CADPS2: variants seen among roughly 807,000 people sequenced by gnomAD.
CADPS2 encodes the protein calcium dependent secretion activator 2.
Under a neutral mutation model 172.5 loss-of-function variants are expected in CADPS2, and 93 were observed. The observed-to-expected ratio is 0.54, with a 90% CI of 0.46 to 0.64. CADPS2 has a LOEUF of 0.64. Ranked by LOEUF, CADPS2 falls within the 30% of genes least tolerant of loss-of-function variation. CADPS2 has a pLI of 0.00. For synonymous variants in CADPS2, 546 were observed against 555.2 expected, an observed-to-expected ratio of 0.98 and a Z score of 0.23; for missense variants, 1,420 against 1,565.9, an observed-to-expected ratio of 0.91 and a Z score of 1.57.
At chr7:122,600,650 A>C (rs1293146903) in intron 6 of CADPS2, among the ~76,000 whole-genome samples, 5 of 152,144 alleles carry the variant, frequency 3.3e-5, no homozygotes, top group African/African-American at 1.2e-4. Flanking sequence ...GCTTAACAAA[A>C]AGCTCAAATA....
intron 2 of CADPS2, among the ~76,000 whole-genome samples, chr7:122,713,573 A>AT (rs893189411): frequency 1.1e-4 from 17 of 151,946 alleles, no homozygotes; most frequent in Admixed American, 2.0e-4. Context: ...ATCTGTAACC[A>AT]TTTTTTTCAA....
chr7:122,679,482 A>G (rs1467421760), intron 2 of CADPS2, among the ~76,000 whole-genome samples: 1 of 152,164 alleles, frequency 6.6e-6, no homozygotes, highest in Non-Finnish European at 1.5e-5. Flanking sequence ...GTGGACGTTC[A>G]TTAGTGATTC....
At chr7:122,684,937 A>G (rs2083460452) in intron 2 of CADPS2, among the ~76,000 whole-genome samples, 2 of 152,224 alleles carry the variant, frequency 1.3e-5, no homozygotes, top group South Asian at 2.1e-4. Flanking sequence ...AAAAACAAAC[A>G]TTCTGTTAAA....
intron 6 of CADPS2, among the ~76,000 whole-genome samples, chr7:122,595,835 A>T (rs1587697795): frequency 6.6e-6 from 1 of 152,096 alleles, no homozygotes; most frequent in East Asian, 1.9e-4. Flanking sequence ...ATCACCTGAG[A>T]CTTTTTCTGA....
chr7:122,620,713 T>C (rs2075501690), intron 5 of CADPS2, among the ~76,000 whole-genome samples: 1 of 152,182 alleles, frequency 6.6e-6, no homozygotes, highest in African/African-American at 2.4e-5. Context: ...TCATCCATGA[T>C]ACCTAATAAT....
chr7:122,527,424 A>G (rs1586868749), intron 8 of CADPS2, among the ~76,000 whole-genome samples: 1 of 152,024 alleles, frequency 6.6e-6, no homozygotes, highest in East Asian at 1.9e-4. Context: ...GCTAAAAAAA[A>G]AAAAAACACA....
At chr7:122,805,952 A>G (rs1469188832) in intron 1 of CADPS2, among the ~76,000 whole-genome samples, 1 of 152,232 alleles carries the variant, frequency 6.6e-6, no homozygotes, top group South Asian at 2.1e-4. Flanking sequence ...TGCCAACAAA[A>G]TAGCCCTTTC....
At chr7:122,686,855 T>C (rs1257294567) in intron 2 of CADPS2, among the ~76,000 whole-genome samples, 2 of 152,126 alleles carry the variant, frequency 1.3e-5, no homozygotes, top group Non-Finnish European at 2.9e-5. Context: ...CGGCTAACTT[T>C]TGTATTTTTA....
chr7:122,633,100 C>T (rs2076734437), intron 3 of CADPS2, among the ~76,000 whole-genome samples: 1 of 152,066 alleles, frequency 6.6e-6, no homozygotes, highest in African/African-American at 2.4e-5. Flanking sequence ...TTACTTTAGC[C>T]TTATAGTATA....
Position 122,438,456 on chromosome 7 carries a change from C to T in CADPS2, c.2361G>A (p.Met787Ile). ...CTGGTATGGGAGTGGCAATATCTTT[C>T]ATTAAAACCTACAGAGAGAGGAAGT... ...ATLSLLERVL[M>I]KDIATPIPAE... Residue 787 changes from methionine to isoleucine, a missense_variant, in exon 17 of 30, where the codon ATG becomes ATA. Transcript: ENST00000449022. 1 of 1,612,622 alleles carries T rather than the reference C, an allele frequency of 6.2e-7. No homozygotes were observed. The highest frequency in any genetic ancestry group is 1.3e-5 in the African/African-American group (1 of 74,968).
chr7:122,491,429 G>GAA lies in CADPS2; in HGVS notation c.1543-11_1543-10dup. The GAA allele has an allele frequency of 1.3e-6, 2 of 1,499,652 alleles. No homozygotes were observed. Among genetic ancestry groups the GAA allele is most frequent in the Admixed American group, 2.2e-5 (1 of 46,494 alleles). The allele number at this position is 1,499,652 out of a possible 1,614,324, so 92.9% of individuals were successfully genotyped here. On this transcript the variant is annotated splice_polypyrimidine_tract_variant and intron_variant, in intron 9 of 29. Transcript: ENST00000449022. The stretch of plus-strand genomic sequence containing the variant: ...AAGGTATATTGGCTAACCTGCTCGA[G>GAA]AAAAAAAAAGTTTACAGATTAGTCA...
At chr7:122,642,548 C>CTT (rs10717947) in intron 3 of CADPS2, among the ~76,000 whole-genome samples, 8,092 of 146,054 alleles carry the variant, frequency 0.055, 287 homozygotes, top group African/African-American at 0.082. Flanking sequence ...CACCCAACAG[C>CTT]TTTTTTTTTT....
At chr7:122,534,255 T>A (rs2062030282) in intron 8 of CADPS2, among the ~76,000 whole-genome samples, 1 of 152,034 alleles carries the variant, frequency 6.6e-6, no homozygotes, top group South Asian at 2.1e-4. Flanking sequence ...ATTTAAACAA[T>A]CAAAATCATT....
At chr7:122,671,859 T>C (rs1476481996) in intron 2 of CADPS2, among the ~76,000 whole-genome samples, 1 of 152,194 alleles carries the variant, frequency 6.6e-6, no homozygotes, top group Non-Finnish European at 1.5e-5. Flanking sequence ...GGGCAGACTT[T>C]AAAGCTGTGA....
At chr7:122,491,986 C>T (rs2058327182) in intron 9 of CADPS2, among the ~76,000 whole-genome samples, 1 of 152,076 alleles carries the variant, frequency 6.6e-6, no homozygotes. Flanking sequence ...TCGTGTCTAA[C>T]ACGGTGAAAC....
chr7:122,541,797 T>A, intron 8 of CADPS2, among the ~76,000 whole-genome samples: 1 of 113,330 alleles, frequency 8.8e-6, no homozygotes, highest in East Asian at 2.9e-4. Flanking sequence ...ATTTATATAT[T>A]CATATATATT....
In CADPS2 at chr7:122,720,521, TATGTGTATGCAG is replaced by T. The variant is rs2090244459; in HGVS notation, c.453+16422_453+16433del. 2.6e-5 allele frequency among the ~76,000 whole-genome samples: 4 copies of T among 151,326 alleles called. No homozygotes were observed. The Admixed American group carries it at 2.6e-4, about 10-fold the overall frequency. ...GTATATACGTATAAGTATATATACA[TATGTGTATGCAG>T]ATATGTATGTGTATGTATATATGCA... On this transcript the variant is annotated intron_variant, in intron 2 of 29. Coordinates refer to ENST00000449022, the MANE Select transcript of CADPS2 (RefSeq NM_017954.11).
At chr7:122,834,545 G>C (rs892535086) in intron 1 of CADPS2, among the ~76,000 whole-genome samples, 15 of 152,288 alleles carry the variant, frequency 9.8e-5, no homozygotes, top group African/African-American at 3.4e-4. Context: ...GCCAAGGAAA[G>C]CCGTGACAGA....
chr7:122,386,227 A>G, intron 24 of CADPS2: 1 of 1,096,786 alleles, frequency 9.1e-7, no homozygotes, highest in Non-Finnish European at 1.2e-6. Context: ...GATGAAAATA[A>G]AAAATATACA....
Sources: gnomAD v4.1 joint callset for allele counts (sites outside exome capture counted in the v4.1 genomes callset) on GRCh38, gnomAD v4.1.1 for gene constraint, MANE v1.5 for transcripts, NCBI Gene and HGNC (gene_info 2026-07-23, HGNC 2026-07-21) for gene names.